DNER: variants seen among roughly 807,000 people sequenced by gnomAD.
DNER encodes the protein delta/notch like EGF repeat containing.
Under a neutral mutation model 78.2 loss-of-function variants are expected in DNER, and 33 were observed. The observed-to-expected ratio is 0.42, with a 90% CI of 0.32 to 0.56. The LOEUF (loss-of-function observed/expected upper bound fraction) is 0.56, where lower values mean the gene tolerates loss of function less well. Among genes scored for constraint, DNER ranks in the 20% least tolerant of loss-of-function variants. The pLI is 0.11. For missense variants in DNER, 918 were observed against 975.3 expected (o/e 0.94, Z 0.78); for synonymous variants, 417 against 384.8 (o/e 1.08, Z -0.98).
chr2:229,504,089 G>A (rs1222855466), intron 6 of DNER, among the ~76,000 whole-genome samples: 1 of 152,096 alleles, frequency 6.6e-6, no homozygotes, highest in Non-Finnish European at 1.5e-5. Context: ...TTGAAAACCA[G>A]GAGATGGCCT....
chr2:229,701,806 G>A (rs368618959), intron 1 of DNER: 50 of 154,340 alleles, frequency 3.2e-4, no homozygotes, highest in Middle Eastern at 3.3e-3. Context: ...GGCCAGCTAC[G>A]AGGAAGTGAG....
At chr2:229,464,973 G>C (rs933460691) in intron 7 of DNER, among the ~76,000 whole-genome samples, 1 of 152,148 alleles carries the variant, frequency 6.6e-6, no homozygotes, top group African/African-American at 2.4e-5. Flanking sequence ...GAAAAGGAAA[G>C]GAAGAGAGGA....
At chr2:229,360,124 C>T (rs1692179142) in intron 12 of DNER, among the ~76,000 whole-genome samples, 1 of 152,208 alleles carries the variant, frequency 6.6e-6, no homozygotes, top group Non-Finnish European at 1.5e-5. Context: ...AAAGTGTCAA[C>T]AGGCCTGTTG....
chr2:229,648,079 G>A (rs1445729726), intron 1 of DNER, among the ~76,000 whole-genome samples: 2 of 152,038 alleles, frequency 1.3e-5, no homozygotes, highest in Non-Finnish European at 1.5e-5. Context: ...AAAAATAAAG[G>A]AGCCAGCCAC....
chr2:229,566,641 A>G (rs935461954), intron 4 of DNER, among the ~76,000 whole-genome samples: 1 of 152,144 alleles, frequency 6.6e-6, no homozygotes, highest in Non-Finnish European at 1.5e-5. Flanking sequence ...TCCACTTGCT[A>G]GAGATCCAGA....
rs931295078 is a variant in DNER at position 229,363,128 on chromosome 2, A to C, written c.2102+3745T>G. On this transcript the variant is annotated intron_variant, in intron 12 of 12. Coordinates refer to ENST00000341772, the MANE Select transcript of DNER (RefSeq NM_139072.4). Reference sequence around the variant, plus strand: ...TCAGTTACAAGCTCTTCCCTGCCTGAGTACAAGCAAAGCAAGCATGTTGCA... The same window carrying C: ...TCAGTTACAAGCTCTTCCCTGCCTGCGTACAAGCAAAGCAAGCATGTTGCA... 2.6e-5 allele frequency among the ~76,000 whole-genome samples: 4 copies of C among 152,190 alleles called. No homozygotes were observed. In the East Asian group the frequency reaches 7.7e-4, roughly 29 times the overall value.
chr2:229,418,071 A>C lies in DNER; in HGVS notation c.1609+37T>G, dbSNP rs201774817. 1.8e-5 allele frequency: 29 copies of C among 1,613,952 alleles called. No individual in the cohort carries two copies. The South Asian group carries it at 3.0e-4, about 16-fold the overall frequency. On this transcript the variant is annotated intron_variant, in intron 9 of 12. Coordinates refer to ENST00000341772, the MANE Select transcript of DNER (RefSeq NM_139072.4). The stretch of plus-strand genomic sequence containing the variant: ...CTGAGAAATACATGACGTCATTTAG[A>C]GCCATTCTGGCACAGGAAGGCCAGG...
chr2:229,432,831 A>T (rs985401726), intron 8 of DNER, among the ~76,000 whole-genome samples: 1 of 152,212 alleles, frequency 6.6e-6, no homozygotes, highest in African/African-American at 2.4e-5. Flanking sequence ...AAAGTATACA[A>T]CGTCTCCCAC....
At chr2:229,544,769 G>A (rs1415010608) in intron 5 of DNER, among the ~76,000 whole-genome samples, 1 of 152,080 alleles carries the variant, frequency 6.6e-6, no homozygotes, top group Middle Eastern at 3.2e-3. Context: ...ACTGACCTCA[G>A]GTGATCCGCC....
chr2:229,691,273 G>A (rs573948792), intron 1 of DNER, among the ~76,000 whole-genome samples: 4 of 152,262 alleles, frequency 2.6e-5, no homozygotes, highest in African/African-American at 4.8e-5. Context: ...ATTTTATGCA[G>A]TTTGATGATC....
chr2:229,548,875 CAATTT>C (rs1289496570), intron 4 of DNER, among the ~76,000 whole-genome samples: 1 of 151,996 alleles, frequency 6.6e-6, no homozygotes, highest in African/African-American at 2.4e-5. Context: ...AAAGAACAAT[CAATTT>C]AACTTTACCC....
intron 6 of DNER, among the ~76,000 whole-genome samples, chr2:229,504,151 C>CAT (rs774212265): frequency 5.3e-5 from 8 of 152,162 alleles, no homozygotes; most frequent in Non-Finnish European, 5.9e-5. Context: ...CACCCAGTCA[C>CAT]ATATATATAT....
At chr2:229,432,611 G>A (rs1258464454) in intron 8 of DNER, among the ~76,000 whole-genome samples, 1 of 152,044 alleles carries the variant, frequency 6.6e-6, no homozygotes, top group African/African-American at 2.4e-5. Context: ...TGAGGTATCC[G>A]CACTCATCAC....
chr2:229,456,437 AGAAT>A (rs1248545790), intron 7 of DNER, among the ~76,000 whole-genome samples: 1 of 151,616 alleles, frequency 6.6e-6, no homozygotes, highest in African/African-American at 2.4e-5. Flanking sequence ...AGAAAGGCCA[AGAAT>A]GAGAGGGCAG....
intron 6 of DNER, among the ~76,000 whole-genome samples, chr2:229,487,225 C>T (rs747264506): frequency 2.0e-4 from 30 of 152,138 alleles, no homozygotes; most frequent in Non-Finnish European, 4.0e-4. Context: ...ATCTACTTCC[C>T]TATTCTTTAA....
At chr2:229,607,853 C>T (rs1574925361) in intron 1 of DNER, among the ~76,000 whole-genome samples, 1 of 151,588 alleles carries the variant, frequency 6.6e-6, no homozygotes. Context: ...TGAAACCCCA[C>T]CTCTACTAAA....
chr2:229,456,733 C>G (rs1312235003), intron 7 of DNER, among the ~76,000 whole-genome samples: 1 of 152,148 alleles, frequency 6.6e-6, no homozygotes, highest in Middle Eastern at 3.4e-3. Flanking sequence ...TATTTTCCCC[C>G]TTCATCCATC....
At chr2:229,529,876 G>A (rs1696269755) in intron 5 of DNER, among the ~76,000 whole-genome samples, 1 of 152,086 alleles carries the variant, frequency 6.6e-6, no homozygotes, top group Non-Finnish European at 1.5e-5. Flanking sequence ...GCATAAGTTG[G>A]TATACCCGTG....
chr2:229,452,966 C>T (rs1694492748), intron 7 of DNER, among the ~76,000 whole-genome samples: 1 of 152,116 alleles, frequency 6.6e-6, no homozygotes, highest in Non-Finnish European at 1.5e-5. Context: ...ATAATTTCTC[C>T]AGCAAATAAA....
Sources: allele counts gnomAD v4.1 joint callset (sites outside exome capture counted in the v4.1 genomes callset), GRCh38; gene constraint gnomAD v4.1.1; transcripts MANE v1.5; gene names NCBI Gene and HGNC (gene_info 2026-07-23, HGNC 2026-07-21).